The following TTC9 variants were observed in gnomAD, a reference collection of about 807,000 sequenced individuals.
TTC9 encodes the protein tetratricopeptide repeat protein 9A.
A neutral mutation model predicts 22.9 loss-of-function variants in TTC9; 13 were observed. The observed-to-expected ratio is 0.57, with a 90% confidence interval of 0.37 to 0.90. TTC9 has a LOEUF of 0.90. Ranked by LOEUF, TTC9 falls within the 40% of genes least tolerant of loss-of-function variation. The pLI, the probability that TTC9 is intolerant of heterozygous loss-of-function variation, is 0.01. For missense variants in TTC9, 280 were observed against 291.8 expected (o/e 0.96, Z 0.29); for synonymous variants, 148 against 133.2 (o/e 1.11, Z -0.77).
intron 1 of TTC9, among the ~76,000 whole-genome samples, chr14:70,657,043 C>T (rs931076135): frequency 6.6e-6 from 1 of 152,190 alleles, no homozygotes; most frequent in African/African-American, 2.4e-5. Flanking sequence ...ATTACAACTC[C>T]CTTGGGCAGA....
chr14:70,642,041 G>A lies in TTC9; in HGVS notation c.-89G>A. The A allele has an allele frequency of 1.1e-6, 1 of 914,630 alleles. No homozygotes were observed. Among genetic ancestry groups the A allele is most frequent in the Non-Finnish European group, 1.3e-6 (1 of 760,692 alleles). The allele number at this position is 914,630 out of a possible 1,614,324, so 56.7% of individuals were successfully genotyped here. ...GAAGCCTGCGAGGCGCGGGGCCGGC[G>A]CCCGCGGCTTTTAAACCCGGGAAGG... is the stretch of plus-strand genomic sequence containing the variant. On this transcript the variant is annotated 5_prime_UTR_variant, in exon 1 of 3. Coordinates refer to ENST00000256367, the MANE Select transcript of TTC9 (RefSeq NM_015351.2).
At chr14:70,645,697 G>A (rs1885892519) in intron 1 of TTC9, among the ~76,000 whole-genome samples, 1 of 152,292 alleles carries the variant, frequency 6.6e-6, no homozygotes, top group Non-Finnish European at 1.5e-5. Context: ...GGTTTATTCT[G>A]GAAGAAAGGC....
In TTC9 at chr14:70,652,457, A is replaced by G. The variant is rs565563504; in HGVS notation, c.406+9922A>G. Among the ~76,000 whole-genome samples the G allele has an allele frequency of 7.0e-4, 107 of 152,202 alleles. 1 individual carries two copies. The highest frequency in any genetic ancestry group is 4.1e-4 in the South Asian group (2 of 4,828). ...ATCTAAATTGATGGCACCAAATAGT[A>G]CTCATTGCTGCTGTATCTCCCTAGA... On this transcript the variant is annotated intron_variant, in intron 1 of 2. Transcript: ENST00000256367.
chr14:70,658,172 G>A (rs1886093007), intron 1 of TTC9, among the ~76,000 whole-genome samples: 2 of 152,146 alleles, frequency 1.3e-5, no homozygotes, highest in Admixed American at 1.3e-4. Context: ...AGCTAAGTGG[G>A]CTCAGCGGGT....
In TTC9 at chr14:70,653,258, A is replaced by G. The variant is rs545994699; in HGVS notation, c.406+10723A>G. 3.3e-5 allele frequency among the ~76,000 whole-genome samples: 5 copies of G among 152,180 alleles called. No homozygotes were observed. In the South Asian group the frequency reaches 1.0e-3, roughly 32 times the overall value. ...AAGACAGAGGAAAATATAGGGAAAG[A>G]GAGAGGGAAAGAATGCAGCAAAGAA... is the stretch of plus-strand genomic sequence containing the variant. On this transcript the variant is annotated intron_variant, in intron 1 of 2. Transcript: ENST00000256367.
rs185196954 is a variant in TTC9 at position 70,669,900 on chromosome 14, T to C, written c.590-1176T>C. 3.5e-4 allele frequency among the ~76,000 whole-genome samples: 54 copies of C among 152,304 alleles called. No homozygotes were observed. The East Asian group carries it at 7.9e-3, about 22-fold the overall frequency. On this transcript the variant is annotated intron_variant, in intron 2 of 2. Coordinates refer to ENST00000256367, the MANE Select transcript of TTC9 (RefSeq NM_015351.2). ...ATTCCAGGCAGCCCTGTCACTCTTA[T>C]GTTATGGTGTGTGTGGAACTTAGCA...
chr14:70,649,571 T>G (rs943955552), intron 1 of TTC9, among the ~76,000 whole-genome samples: 16 of 152,232 alleles, frequency 1.1e-4, no homozygotes, highest in Admixed American at 9.2e-4. Context: ...CCACTGGGTC[T>G]GTAATTCCAA....
rs1886305646 is a variant in TTC9, at chr14:70,672,087, C to A, written c.*932C>A. On this transcript the variant is annotated 3_prime_UTR_variant, in exon 3 of 3. Coordinates refer to ENST00000256367, the MANE Select transcript of TTC9 (RefSeq NM_015351.2). Reference sequence around the variant, plus strand: ...CCCTCACTTTTACTCCTTCCTCCAACCCTCAATCAGAGCTACTTACAGCCA... The same window carrying A: ...CCCTCACTTTTACTCCTTCCTCCAAACCTCAATCAGAGCTACTTACAGCCA... 1 of 152,258 alleles carries A rather than the reference C, an allele frequency of 6.6e-6. No homozygotes were observed. 9.4% of individuals were successfully genotyped at this position (152,258 alleles called of 1,614,324 possible).
chr14:70,651,391 G>A (rs1885982964), intron 1 of TTC9, among the ~76,000 whole-genome samples: 1 of 143,630 alleles, frequency 7.0e-6, no homozygotes, highest in Non-Finnish European at 1.5e-5. Context: ...GAGAAATTAT[G>A]AGTAATTTGC....
intron 1 of TTC9, among the ~76,000 whole-genome samples, chr14:70,664,336 C>T (rs1886183380): frequency 6.6e-6 from 1 of 151,540 alleles, no homozygotes; most frequent in African/African-American, 2.4e-5. Flanking sequence ...TAGCCACCCA[C>T]CCAAAGCAGA....
intron 1 of TTC9, among the ~76,000 whole-genome samples, chr14:70,647,772 A>G (rs1362508661): frequency 1.3e-5 from 2 of 152,230 alleles, no homozygotes; most frequent in African/African-American, 4.8e-5. Context: ...AAGTTTAAAG[A>G]TAAAGTGACT....
At chr14:70,669,976 G>T (rs1282941687) in intron 2 of TTC9, among the ~76,000 whole-genome samples, 1 of 152,216 alleles carries the variant, frequency 6.6e-6, no homozygotes, top group Admixed American at 6.5e-5. Context: ...GGGAAGAAAT[G>T]CCCCAGTTTT....
Position 70,672,353 on chromosome 14 carries a change from G to A in TTC9, c.*1198G>A, listed in dbSNP as rs917950995. 6.6e-6 allele frequency: 1 copy of A among 152,236 alleles called. No homozygotes were observed. Among genetic ancestry groups the A allele is most frequent in the African/African-American group, 2.4e-5 (1 of 41,464 alleles). 9.4% of individuals were successfully genotyped at this position (152,236 alleles called of 1,614,324 possible). A position where few individuals can be genotyped will look rare whatever the true frequency, so the allele number is the denominator to read the frequency against. ...ATTATGACTGCAGACTGGCTCTCCT[G>A]CCTTAAACTAATTTCATCCCAGCCT... is the stretch of plus-strand genomic sequence containing the variant. On this transcript the variant is annotated 3_prime_UTR_variant, in exon 3 of 3. Transcript: ENST00000256367.
Position 70,672,291 on chromosome 14 carries a change from A to G in TTC9, c.*1136A>G, listed in dbSNP as rs1044875169. ...ATTATCTGAACTCAACATCTAGCAC[A>G]TAGAATGTGTTCAACAAATGCTTGT... On this transcript the variant is annotated 3_prime_UTR_variant, in exon 3 of 3. Transcript: ENST00000256367. The G allele has an allele frequency of 7.2e-5, 11 of 152,252 alleles. No homozygotes were observed. The highest frequency in any genetic ancestry group is 2.4e-4 in the African/African-American group (10 of 41,464). 9.4% of individuals were successfully genotyped at this position (152,252 alleles called of 1,614,324 possible).
intron 1 of TTC9, among the ~76,000 whole-genome samples, chr14:70,665,009 G>T (rs978224361): frequency 1.3e-5 from 2 of 152,196 alleles, no homozygotes; most frequent in African/African-American, 4.8e-5. Flanking sequence ...TTAACCCTTT[G>T]TGGGAAGGGG....
At chr14:70,658,706 A>G (rs1886099849) in intron 1 of TTC9, among the ~76,000 whole-genome samples, 1 of 152,258 alleles carries the variant, frequency 6.6e-6, no homozygotes. Flanking sequence ...CTTATGATCC[A>G]GGAATTGCAC....
At chr14:70,669,689 C>A (rs954510145) in intron 2 of TTC9, among the ~76,000 whole-genome samples, 1 of 152,000 alleles carries the variant, frequency 6.6e-6, no homozygotes, top group East Asian at 1.9e-4. Context: ...TTAAAGAACA[C>A]CTTGTTGTTG....
rs189430343 is a variant in TTC9, at chr14:70,656,316, T to C, written c.407-11248T>C. On this transcript the variant is annotated intron_variant, in intron 1 of 2. Transcript: ENST00000256367. Reference sequence around the variant, plus strand: ...CAACCTTCATGTTTTTCCACCAGTGTTTTCATTGAAAATATTTTTCACCGT... The same window carrying C: ...CAACCTTCATGTTTTTCCACCAGTGCTTTCATTGAAAATATTTTTCACCGT... Among the ~76,000 whole-genome samples, 372 of 152,246 alleles carry C rather than the reference T, an allele frequency of 2.4e-3. 2 individuals are homozygous for C. Among genetic ancestry groups the C allele is most frequent in the Non-Finnish European group, 3.1e-3 (211 of 68,000 alleles).
intron 1 of TTC9, among the ~76,000 whole-genome samples, chr14:70,647,618 C>T (rs1372658373): frequency 6.6e-6 from 1 of 152,142 alleles, no homozygotes. Flanking sequence ...AACTCTCACG[C>T]ATCATGGGGC....
Sources: gnomAD v4.1 joint callset for allele counts (sites outside exome capture counted in the v4.1 genomes callset) on GRCh38, gnomAD v4.1.1 for gene constraint, MANE v1.5 for transcripts, NCBI Gene and HGNC (gene_info 2026-07-23, HGNC 2026-07-21) for gene names.